Variants in ZPBP observed in about 807,000 individuals in gnomAD.
ZPBP encodes the protein zona pellucida-binding protein 1.
A neutral mutation model predicts 44.8 loss-of-function variants in ZPBP; 26 were observed. The observed-to-expected ratio is 0.58, with a 90% CI of 0.43 to 0.81. ZPBP has a LOEUF of 0.81. ZPBP is among the 30% of genes least tolerant of loss of function. The probability of loss-of-function intolerance (pLI) is 0.00; values close to 1 mark genes in which losing one functional copy is unlikely to be tolerated. For missense variants in ZPBP, 409 were observed against 434.0 expected, an observed-to-expected ratio of 0.94 and a Z score of 0.51; for synonymous variants, 174 against 153.2, an observed-to-expected ratio of 1.14 and a Z score of -1.00.
At chr7:49,896,466 T>A (rs772775254) in intron 2 of ZPBP, among the ~76,000 whole-genome samples, 12 of 151,988 alleles carry the variant, frequency 7.9e-5, no homozygotes, top group Non-Finnish European at 1.5e-4. Context: ...AATAATTAAG[T>A]TCCTACTTGA....
At chr7:49,905,983 C>A (rs748310368) in intron 1 of ZPBP, among the ~76,000 whole-genome samples, 2 of 151,378 alleles carry the variant, frequency 1.3e-5, no homozygotes, top group Non-Finnish European at 3.0e-5. Flanking sequence ...AGGGGAGGAA[C>A]CCTCAGTTCT....
intron 1 of ZPBP, among the ~76,000 whole-genome samples, chr7:50,090,435 CT>C (rs1318517709): frequency 6.6e-6 from 1 of 151,124 alleles, no homozygotes; most frequent in Non-Finnish European, 1.5e-5. Context: ...TAATCCATTC[CT>C]TTTTATAGTT....
intron 2 of ZPBP, among the ~76,000 whole-genome samples, chr7:49,879,505 G>A (rs1349982632): frequency 6.6e-6 from 1 of 152,148 alleles, no homozygotes; most frequent in Non-Finnish European, 1.5e-5. Context: ...ATAGAATGCA[G>A]AATCACCAAA....
At chr7:49,973,957 T>C (rs538572118) in intron 7 of ZPBP, among the ~76,000 whole-genome samples, 1 of 152,314 alleles carries the variant, frequency 6.6e-6, no homozygotes, top group African/African-American at 2.4e-5. Flanking sequence ...GTAGATATTA[T>C]TCTACCTTAA....
chr7:49,868,864 C>T (rs1382635291), intron 2 of ZPBP, among the ~76,000 whole-genome samples: 1 of 152,238 alleles, frequency 6.6e-6, no homozygotes, highest in Non-Finnish European at 1.5e-5. Context: ...AGTGATCCAC[C>T]TGCCTCGGCC....
At chr7:49,876,386 T>C (rs148549246) in intron 2 of ZPBP, among the ~76,000 whole-genome samples, 3 of 152,288 alleles carry the variant, frequency 2.0e-5, no homozygotes, top group African/African-American at 7.2e-5. Context: ...AGTCAATATC[T>C]ATGAGCCTTC....
At chr7:49,879,133 T>G (rs966672597) in intron 2 of ZPBP, among the ~76,000 whole-genome samples, 1 of 152,184 alleles carries the variant, frequency 6.6e-6, no homozygotes, top group Non-Finnish European at 1.5e-5. Flanking sequence ...ACTGCCTTCT[T>G]AATGTCAACG....
At chr7:50,015,246 G>T (rs762974350) in intron 6 of ZPBP, among the ~76,000 whole-genome samples, 1 of 151,890 alleles carries the variant, frequency 6.6e-6, no homozygotes, top group Non-Finnish European at 1.5e-5. Context: ...ATTTGGGGGA[G>T]GAAAAGGAAC....
intron 4 of ZPBP, among the ~76,000 whole-genome samples, chr7:50,053,389 G>A (rs994527520): frequency 2.0e-5 from 3 of 152,022 alleles, no homozygotes; most frequent in Non-Finnish European, 2.9e-5. Context: ...ACCTTTCCTT[G>A]TATGTAACTG....
rs1166117065 is a variant in ZPBP at position 50,050,786 on chromosome 7, C to A, written c.487+7203G>T. ...CCTGGACGACAGAGCGAGACTCCGTCTCAAAAAAAAAAAAAAAAAAAAAAA... is the reference window on the plus strand; with the variant it reads ...CCTGGACGACAGAGCGAGACTCCGTATCAAAAAAAAAAAAAAAAAAAAAAA... On this transcript the variant is annotated intron_variant, in intron 4 of 7. Transcript: ENST00000046087. Among the ~76,000 whole-genome samples, 48 of 54,606 alleles carry A rather than the reference C, an allele frequency of 8.8e-4. 2 individuals are homozygous for A. The South Asian group carries it at 0.03, about 34-fold the overall frequency. 35.8% of individuals were successfully genotyped at this position (54,606 alleles called of 152,430 possible). A position where few individuals can be genotyped will look rare whatever the true frequency, so the allele number is the denominator to read the frequency against.
intron 7 of ZPBP, among the ~76,000 whole-genome samples, chr7:49,963,153 CTT>C (rs930075908): frequency 1.9e-5 from 2 of 105,198 alleles, no homozygotes; most frequent in African/African-American, 6.9e-5. Context: ...ATACTATACT[CTT>C]ATTAGGATGG....
At chr7:49,914,286 G>A (rs781021144) in intron 1 of ZPBP, 1 of 152,212 alleles carries the variant, frequency 6.6e-6, no homozygotes, top group African/African-American at 2.4e-5. Flanking sequence ...TGGATGATGA[G>A]CTCTGAAATA....
chr7:49,940,807 C>A (rs1794846211), intron 7 of ZPBP: 1 of 985,172 alleles, frequency 1.0e-6, no homozygotes, highest in Admixed American at 6.2e-5. Context: ...ACCTTCTGAC[C>A]TGTATGAGAG....
At chr7:49,890,785 A>T (rs541738627) in intron 2 of ZPBP, among the ~76,000 whole-genome samples, 1 of 152,206 alleles carries the variant, frequency 6.6e-6, no homozygotes, top group East Asian at 1.9e-4. Context: ...TTGAAGGTCT[A>T]GCTCTCACAG....
rs1320656586 is a variant in ZPBP at position 49,928,647 on chromosome 7, A to G, written n.411+7104T>C. 2.0e-5 allele frequency among the ~76,000 whole-genome samples: 3 copies of G among 152,140 alleles called. No individual in the cohort carries two copies. In the East Asian group the frequency reaches 5.8e-4, roughly 29 times the overall value. The stretch of plus-strand genomic sequence containing the variant: ...AAGTGGAGTGGCAGGAACGGAAACC[A>G]TGAAGGTCTGAGACACTTGTTTGTG... On this transcript the variant is annotated intron_variant and non_coding_transcript_variant, in intron 1 of 2. Coordinates refer to the ZPBP transcript ENST00000465922.
intron 6 of ZPBP, among the ~76,000 whole-genome samples, chr7:49,995,326 G>C (rs1001433616): frequency 3.9e-5 from 6 of 152,166 alleles, no homozygotes; most frequent in Non-Finnish European, 7.4e-5. Context: ...GGTTTTCTCA[G>C]CTGAAAACAA....
At chr7:50,036,686 A>T (rs1235457889) in intron 4 of ZPBP, among the ~76,000 whole-genome samples, 1 of 152,216 alleles carries the variant, frequency 6.6e-6, no homozygotes, top group Non-Finnish European at 1.5e-5. Context: ...ATATTTAGAA[A>T]TGATGATAAA....
rs185299907 is a variant in ZPBP, at chr7:50,025,751, G to C, written c.706+5341C>G. Among the ~76,000 whole-genome samples the C allele has an allele frequency of 4.5e-4, 69 of 151,808 alleles. No individual in the cohort carries two copies. In the East Asian group the frequency reaches 0.011, roughly 24 times the overall value. On this transcript the variant is annotated intron_variant, in intron 5 of 7. Transcript: ENST00000046087. ...CAAATTTGCATGTAAAAATGTGTGT[G>C]TCTATACTTTGCTCAATTTTTCTGT...
intron 5 of ZPBP, among the ~76,000 whole-genome samples, chr7:50,021,922 A>T (rs1395285628): frequency 1.3e-5 from 2 of 152,164 alleles, no homozygotes; most frequent in African/African-American, 4.8e-5. Flanking sequence ...AATCAAAGAC[A>T]GAGAGTCTTA....
Sources: allele counts gnomAD v4.1 joint callset (sites outside exome capture counted in the v4.1 genomes callset), GRCh38; gene constraint gnomAD v4.1.1; transcripts MANE v1.5; gene names NCBI Gene and HGNC (gene_info 2026-07-23, HGNC 2026-07-21).